PCED1B: variants seen among roughly 807,000 people sequenced by gnomAD.
PCED1B encodes the protein PC-esterase domain containing 1B.
For missense variants in PCED1B, 573 were observed against 573.9 expected (o/e 1.00, Z 0.02); for synonymous variants, 251 against 246.1 (o/e 1.02, Z -0.19).
chr12:47,089,461 C>CATGTATATATATATATATATAT lies in PCED1B; in HGVS notation c.-609+9738_-609+9739insGTATATATATATATATATATAT, dbSNP rs1233280547. 1.7e-3 allele frequency among the ~76,000 whole-genome samples: 107 copies of CATGTATATATATATATATATAT among 63,382 alleles called. 15 individuals are homozygous for CATGTATATATATATATATATAT. The highest frequency in any genetic ancestry group is 7.7e-3 in the Admixed American group (29 of 3,748). 41.6% of individuals were successfully genotyped at this position (63,382 alleles called of 152,430 possible). On this transcript the variant is annotated intron_variant, in intron 1 of 3. Transcript: ENST00000546455. ...GACTCCATCTCAAAAAAAAAAAATA[C>CATGTATATATATATATATATAT]ATATATATATATATATATATATATA...
At position 47,114,673 on chromosome 12, in the gene PCED1B, C is replaced by G. The variant is rs76294880; in HGVS notation, c.-526+10478C>G. ...AAAGCAGATGTTCCTAGCCCAGAAGCCTTGAGGTTGCTGCACCAAGCCCTC... is the reference window on the plus strand; with the variant it reads ...AAAGCAGATGTTCCTAGCCCAGAAGGCTTGAGGTTGCTGCACCAAGCCCTC... On this transcript the variant is annotated intron_variant, in intron 2 of 3. Transcript: ENST00000546455. 1.1e-4 allele frequency among the ~76,000 whole-genome samples: 17 copies of G among 152,284 alleles called. No individual in the cohort carries two copies. The East Asian group carries it at 2.7e-3, about 24-fold the overall frequency.
At chr12:47,142,874 A>T (rs1207331764) in intron 2 of PCED1B, among the ~76,000 whole-genome samples, 3 of 29,238 alleles carry the variant, frequency 1.0e-4, no homozygotes, top group Non-Finnish European at 2.2e-4. Context: ...TAACAGAAGA[A>T]GAGAGAAAGA....
At chr12:47,126,976 C>T (rs1939913239) in intron 2 of PCED1B, among the ~76,000 whole-genome samples, 1 of 151,996 alleles carries the variant, frequency 6.6e-6, no homozygotes, top group Non-Finnish European at 1.5e-5. Context: ...TTTATTTTCT[C>T]TGTTGTTTTT....
chr12:47,152,796 G>A (rs539624298), intron 2 of PCED1B, among the ~76,000 whole-genome samples: 51 of 152,188 alleles, frequency 3.4e-4, no homozygotes, highest in Admixed American at 2.8e-3. Context: ...TTAGCCGGGT[G>A]TGGTGGCGCA....
intron 2 of PCED1B, among the ~76,000 whole-genome samples, chr12:47,164,895 A>C (rs1427735853): frequency 6.6e-6 from 1 of 152,220 alleles, no homozygotes; most frequent in Non-Finnish European, 1.5e-5. Flanking sequence ...TGGCTGAAAT[A>C]GCCAGGATGT....
At chr12:47,232,945 A>ATTTT (rs1189995234) in intron 3 of PCED1B, among the ~76,000 whole-genome samples, 8 of 140,188 alleles carry the variant, frequency 5.7e-5, no homozygotes, top group Admixed American at 2.2e-4. Flanking sequence ...TTATTTATTT[A>ATTTT]ATTTATTTAG....
intron 2 of PCED1B, among the ~76,000 whole-genome samples, chr12:47,183,603 A>G (rs375655984): frequency 1.4e-3 from 218 of 152,048 alleles, no homozygotes; most frequent in Middle Eastern, 3.4e-3. Flanking sequence ...TTTTTTTAAC[A>G]CCTATATATC....
chr12:47,102,198 C>T (rs1938737214), intron 1 of PCED1B, among the ~76,000 whole-genome samples: 3 of 152,326 alleles, frequency 2.0e-5, no homozygotes, highest in South Asian at 2.1e-4. Context: ...TACTAGAAGT[C>T]ATTTCAACCC....
chr12:47,201,692 G>A (rs901559135), intron 2 of PCED1B, among the ~76,000 whole-genome samples: 9 of 151,696 alleles, frequency 5.9e-5, no homozygotes, highest in African/African-American at 1.7e-4. Context: ...TCAACCTCCC[G>A]GGCTTAGGTG....
intron 2 of PCED1B, among the ~76,000 whole-genome samples, chr12:47,144,887 A>G (rs1315426643): frequency 1.3e-5 from 2 of 152,198 alleles, no homozygotes; most frequent in Non-Finnish European, 2.9e-5. Flanking sequence ...AGGTCAATTA[A>G]TAATTCTACA....
intron 2 of PCED1B, among the ~76,000 whole-genome samples, chr12:47,115,283 G>A (rs976275611): frequency 2.6e-5 from 4 of 152,102 alleles, no homozygotes; most frequent in Non-Finnish European, 5.9e-5. Flanking sequence ...CTGCCCAAAC[G>A]ACATTAAACC....
intron 3 of PCED1B, among the ~76,000 whole-genome samples, chr12:47,226,389 A>T (rs770160788): frequency 4.6e-5 from 7 of 152,046 alleles, no homozygotes; most frequent in African/African-American, 7.2e-5. Context: ...TCTCTTTTTG[A>T]GATGGAGTGA....
chr12:47,230,041 T>G (rs1377546143), intron 3 of PCED1B, among the ~76,000 whole-genome samples: 1 of 150,448 alleles, frequency 6.6e-6, no homozygotes, highest in Non-Finnish European at 1.5e-5. Flanking sequence ...CCTAAAGTGC[T>G]GGGATTACAG....
In PCED1B at chr12:47,194,811, C is replaced by T. The variant is rs559726408; in HGVS notation, c.-525-21411C>T. Among the ~76,000 whole-genome samples the T allele has an allele frequency of 1.2e-3, 177 of 152,238 alleles. 1 individual carries two copies. The highest frequency in any genetic ancestry group is 1.7e-3 in the Non-Finnish European group (119 of 68,020). On this transcript the variant is annotated intron_variant, in intron 2 of 3. Coordinates refer to ENST00000546455, the MANE Select transcript of PCED1B (RefSeq NM_138371.3). ...GTTTTAATGAGGAAGAGAAAGGTGCCGTGTGGCTAAATTCGAGAGTAAATG... is the reference window on the plus strand; with the variant it reads ...GTTTTAATGAGGAAGAGAAAGGTGCTGTGTGGCTAAATTCGAGAGTAAATG...
At chr12:47,081,729 T>A (rs1937735232) in intron 1 of PCED1B, among the ~76,000 whole-genome samples, 1 of 152,332 alleles carries the variant, frequency 6.6e-6, no homozygotes, top group South Asian at 2.1e-4. Flanking sequence ...GAATATTTTT[T>A]AAATGACTAA....
At chr12:47,199,606 T>C (rs1179877677) in intron 2 of PCED1B, among the ~76,000 whole-genome samples, 3 of 152,128 alleles carry the variant, frequency 2.0e-5, no homozygotes, top group African/African-American at 7.2e-5. Context: ...GCAAAGGCAA[T>C]TCAATAGAGA....
rs1268256321 is a variant in PCED1B, at chr12:47,137,726, T to A, written c.-526+33531T>A. On this transcript the variant is annotated intron_variant, in intron 2 of 3. Transcript: ENST00000546455. ...CTGGGTGACAGGGTGAGTGAGGCCC[T>A]GTCTAAAAAAAAAAAAAGAAAAAAA... Among the ~76,000 whole-genome samples the A allele has an allele frequency of 3.6e-5, 4 of 112,070 alleles. No individual in the cohort carries two copies. In the East Asian group the frequency reaches 9.9e-4, roughly 28 times the overall value. 73.5% of individuals were successfully genotyped at this position (112,070 alleles called of 152,430 possible).
At chr12:47,186,344 G>A (rs1321360794) in intron 2 of PCED1B, among the ~76,000 whole-genome samples, 2 of 152,104 alleles carry the variant, frequency 1.3e-5, no homozygotes, top group Non-Finnish European at 2.9e-5. Context: ...TTGTGGGAAG[G>A]CAAATATATG....
intron 2 of PCED1B, among the ~76,000 whole-genome samples, chr12:47,137,016 C>T (rs558769440): frequency 3.9e-5 from 6 of 152,228 alleles, no homozygotes; most frequent in South Asian, 2.1e-4. Context: ...TAGCCAATAC[C>T]TTGTTTTGCT....
Sources: gnomAD v4.1 joint callset for allele counts (sites outside exome capture counted in the v4.1 genomes callset) on GRCh38, gnomAD v4.1.1 for gene constraint, MANE v1.5 for transcripts, NCBI Gene and HGNC (gene_info 2026-07-23, HGNC 2026-07-21) for gene names.